LMO3: variants seen among roughly 807,000 people sequenced by gnomAD.
LMO3 encodes LIM domain only 3, also known as LIM domain only protein 3.
LMO3 carries 2 observed loss-of-function variants against 15.8 expected under a neutral mutation model. That is an observed-to-expected ratio of 0.13 (90% CI 0.05 to 0.40). The LOEUF (loss-of-function observed/expected upper bound fraction) is 0.40. Ranked by LOEUF, LMO3 falls within the 10% of genes least tolerant of loss-of-function variation. The pLI, the probability that LMO3 is intolerant of heterozygous loss-of-function variation, is 0.99. For missense variants in LMO3, 86 were observed against 182.2 expected (o/e 0.47, Z 3.04); for synonymous variants, 62 against 63.8 (o/e 0.97, Z 0.13).
In LMO3 at chr12:16,560,260, T is replaced by TAG. The variant is rs1481778471; in HGVS notation, c.332+151_332+152dup. On this transcript the variant is annotated intron_variant, in intron 3 of 3. Coordinates refer to ENST00000537304, the MANE Select transcript of LMO3 (RefSeq NM_018640.5). The surrounding 1 kb of genome is among the most constrained non-coding windows in gnomAD (Gnocchi z 5.0). Reference sequence around the variant, plus strand: ...GTCTTAAGACCTTTCTTCTCCTTAGTAGCTTGTCTCTGGCATGGGATTAAA... The same window carrying TAG: ...GTCTTAAGACCTTTCTTCTCCTTAGTAGAGCTTGTCTCTGGCATGGGATTAAA... 6.6e-6 allele frequency among the ~76,000 whole-genome samples: 1 copy of TAG among 152,204 alleles called. No homozygotes were observed.
Position 16,599,357 on chromosome 12 carries a change from GAGA to G in LMO3, c.206+1295_206+1297del, listed in dbSNP as rs1310166487. 7.9e-5 allele frequency: 12 copies of G among 152,132 alleles called. No individual in the cohort carries two copies. Among genetic ancestry groups the G allele is most frequent in the Admixed American group, 7.2e-4 (11 of 15,258 alleles). 9.4% of individuals were successfully genotyped at this position (152,132 alleles called of 1,614,324 possible). On this transcript the variant is annotated intron_variant, in intron 2 of 3. Transcript: ENST00000537304. The surrounding 1 kb of genome is among the most constrained non-coding windows in gnomAD (Gnocchi z 4.1). ...TGTCAGATGAGGCCGTCCTAAGAGC[GAGA>G]AGGAGTAGAATCTGATAAACAGTAC...
rs1260341850 is a variant in LMO3 at position 16,587,687 on chromosome 12, A to C, written c.206+12968T>G. On this transcript the variant is annotated intron_variant, in intron 2 of 3. Coordinates refer to ENST00000537304, the MANE Select transcript of LMO3 (RefSeq NM_018640.5). This position sits in a 1 kb window ranked among gnomAD's most constrained non-coding sequence, Gnocchi z 4.3. ...GGAGTGCATTTTAACAGCACGACAC[A>C]AGTATTTTTCACTACAGGAGACAAA... is the stretch of plus-strand genomic sequence containing the variant. 2.0e-5 allele frequency among the ~76,000 whole-genome samples: 3 copies of C among 152,080 alleles called. No individual in the cohort carries two copies. The highest frequency in any genetic ancestry group is 4.4e-5 in the Non-Finnish European group (3 of 67,992).
At position 16,576,477 on chromosome 12, in the gene LMO3, A is replaced by G. The variant is rs1400959040; in HGVS notation, c.207-15939T>C. Among the ~76,000 whole-genome samples the G allele has an allele frequency of 2.0e-5, 3 of 152,198 alleles. No individual in the cohort carries two copies. Among genetic ancestry groups the G allele is most frequent in the Non-Finnish European group, 4.4e-5 (3 of 68,044 alleles). Reference sequence around the variant, plus strand: ...ATTCAGATCAAATGTCAATGGATCTATGAAGCCTCTCTGATTTCCTTGAGG... The same window carrying G: ...ATTCAGATCAAATGTCAATGGATCTGTGAAGCCTCTCTGATTTCCTTGAGG... On this transcript the variant is annotated intron_variant, in intron 2 of 3. Coordinates refer to ENST00000537304, the MANE Select transcript of LMO3 (RefSeq NM_018640.5). This position sits in a 1 kb window ranked among gnomAD's most constrained non-coding sequence, Gnocchi z 4.1.
chr12:16,602,991 CG>C (rs1358460687), intron 1 of LMO3, among the ~76,000 whole-genome samples: 5 of 123,526 alleles, frequency 4.0e-5, no homozygotes, highest in African/African-American at 1.3e-4. Flanking sequence ...GATGAAAAAT[CG>C]AAAAAAAAAA....
chr12:16,608,238 G>T (rs1591843255), upstream of LMO3: 1 of 152,134 alleles, frequency 6.6e-6, no homozygotes. The surrounding 1 kb of genome is among the most constrained non-coding windows in gnomAD (Gnocchi z 4.1). Context: ...GAGGGAGGGA[G>T]AAGTATGTGT....
At position 16,559,798 on chromosome 12, in the gene LMO3, G is replaced by GA. The variant is rs60838238; in HGVS notation, c.332+614dup. On this transcript the variant is annotated intron_variant, in intron 3 of 3. Coordinates refer to ENST00000537304, the MANE Select transcript of LMO3 (RefSeq NM_018640.5). This position sits in a 1 kb window ranked among gnomAD's most constrained non-coding sequence, Gnocchi z 4.1. ...AAACTCCATCATCTCTATAAAAAAT[G>GA]AAAAAAAAAAAAAATTAGCCAGGCA... 2.5e-3 allele frequency among the ~76,000 whole-genome samples: 349 copies of GA among 138,286 alleles called. No individual in the cohort carries two copies. The highest frequency in any genetic ancestry group is 0.011 in the Middle Eastern group (3 of 272). The allele number at this position is 138,286 out of a possible 152,430, so 90.7% of individuals were successfully genotyped here. A position where few individuals can be genotyped will look rare whatever the true frequency, so the allele number is the denominator to read the frequency against.
Position 16,560,689 on chromosome 12 carries a change from A to C in LMO3, c.207-151T>G. On this transcript the variant is annotated intron_variant, in intron 2 of 3. Transcript: ENST00000537304. The surrounding 1 kb of genome is among the most constrained non-coding windows in gnomAD (Gnocchi z 5.0). The stretch of plus-strand genomic sequence containing the variant: ...GATTTTATCCTAGGTGTATGCATAA[A>C]TATTCTTCTGCAATATATTCTCCGT... 1.0e-5 allele frequency: 7 copies of C among 678,892 alleles called. No individual in the cohort carries two copies. The highest frequency in any genetic ancestry group is 1.8e-5 in the Non-Finnish European group (7 of 395,320). The allele number at this position is 678,892 out of a possible 1,614,324, so 42.1% of individuals were successfully genotyped here.
intron 3 of LMO3, among the ~76,000 whole-genome samples, chr12:16,551,610 C>A (rs1591762671): frequency 4.1e-5 from 6 of 147,182 alleles, no homozygotes; most frequent in South Asian, 2.1e-4. Flanking sequence ...TTTTTTTAAA[C>A]CACACTGGAA....
At position 16,604,353 on chromosome 12, in the gene LMO3, T is replaced by C. The variant is rs1943920501; in HGVS notation, c.-9+1713A>G. On this transcript the variant is annotated intron_variant, in intron 1 of 3. Transcript: ENST00000537304. The surrounding 1 kb of genome is among the most constrained non-coding windows in gnomAD (Gnocchi z 5.3). ...AACTCCCAGCCCCCTTCCCTATCCT[T>C]CACCCCCCTCCCCTTTTTGAGCAAT... Among the ~76,000 whole-genome samples the C allele has an allele frequency of 2.0e-5, 3 of 151,700 alleles. No individual in the cohort carries two copies. The South Asian group carries it at 6.3e-4, about 32-fold the overall frequency.
chr12:16,569,976 C>T (rs1055965514), intron 2 of LMO3, among the ~76,000 whole-genome samples: 2 of 152,096 alleles, frequency 1.3e-5, no homozygotes, highest in African/African-American at 4.8e-5. Flanking sequence ...CAATCAGCCA[C>T]AATTATACGA....
At position 16,604,491 on chromosome 12, in the gene LMO3, G is replaced by T. The variant is rs749389634; in HGVS notation, c.-9+1575C>A. ...ATTACAGTTACCATGGCAGCAAAGT[G>T]CTAGTGCTTGGCAAAGGCCAACAAG... is the stretch of plus-strand genomic sequence containing the variant. On this transcript the variant is annotated intron_variant, in intron 1 of 3. Transcript: ENST00000537304. The surrounding 1 kb of genome is among the most constrained non-coding windows in gnomAD (Gnocchi z 5.3). 2.7e-5 allele frequency: 6 copies of T among 224,226 alleles called. No homozygotes were observed. The highest frequency in any genetic ancestry group is 4.6e-5 in the African/African-American group (2 of 43,866). The allele number at this position is 224,226 out of a possible 1,614,324, so 13.9% of individuals were successfully genotyped here. A position where few individuals can be genotyped will look rare whatever the true frequency, so the allele number is the denominator to read the frequency against.
In LMO3 at chr12:16,548,513, G is replaced by C. The variant is rs940080728; in HGVS notation, c.*2709C>G. 1.3e-5 allele frequency: 2 copies of C among 152,086 alleles called. No homozygotes were observed. Among genetic ancestry groups the C allele is most frequent in the Non-Finnish European group, 2.9e-5 (2 of 68,002 alleles). 9.4% of individuals were successfully genotyped at this position (152,086 alleles called of 1,614,324 possible). A position where few individuals can be genotyped will look rare whatever the true frequency, so the allele number is the denominator to read the frequency against. ...TTAAACTCAGCACTCTGTTGGAGTG[G>C]AGGTGCACGGTCCTTCATCATAGGC... On this transcript the variant is annotated 3_prime_UTR_variant, in exon 4 of 4. Transcript: ENST00000537304. The surrounding 1 kb of genome is among the most constrained non-coding windows in gnomAD (Gnocchi z 4.2).
chr12:16,577,115 A>T (rs993834990), intron 2 of LMO3, among the ~76,000 whole-genome samples: 3 of 152,182 alleles, frequency 2.0e-5, no homozygotes, highest in African/African-American at 7.2e-5. Flanking sequence ...AAAACTTGTG[A>T]CTGGTAACAT....
rs901376222 is a variant in LMO3, at chr12:16,550,556, T to G, written c.*666A>C. The G allele has an allele frequency of 6.6e-6, 1 of 152,410 alleles. No individual in the cohort carries two copies. Among genetic ancestry groups the G allele is most frequent in the South Asian group, 2.1e-4 (1 of 4,816 alleles). 9.4% of individuals were successfully genotyped at this position (152,410 alleles called of 1,614,324 possible). A position where few individuals can be genotyped will look rare whatever the true frequency, so the allele number is the denominator to read the frequency against. ...AGTGCTTTAAGATGAAATTTTTATG[T>G]ATTTTTTTAAAGCTGATTTTTAACC... is the stretch of plus-strand genomic sequence containing the variant. On this transcript the variant is annotated 3_prime_UTR_variant, in exon 4 of 4. Transcript: ENST00000537304.
rs947626624 is a variant in LMO3, at chr12:16,576,176, G to A, written c.207-15638C>T. 2.6e-5 allele frequency among the ~76,000 whole-genome samples: 4 copies of A among 152,066 alleles called. No homozygotes were observed. The highest frequency in any genetic ancestry group is 1.9e-4 in the East Asian group (1 of 5,186). On this transcript the variant is annotated intron_variant, in intron 2 of 3. Transcript: ENST00000537304. This position sits in a 1 kb window ranked among gnomAD's most constrained non-coding sequence, Gnocchi z 4.1. The stretch of plus-strand genomic sequence containing the variant: ...GCTGTCCGCCTTCCACTCTGCAGCC[G>A]GTAGCCTTTCTATAACACAGCTCCA...
chr12:16,600,494 T>C, intron 2 of LMO3, 161 bp downstream of exon 2: 1 of 622,738 alleles, frequency 1.6e-6, no homozygotes, highest in Non-Finnish European at 2.8e-6. Context: ...AAGCATTAAT[T>C]TGAGTAACAC....
At chr12:16,590,727 A>G (rs1943467013) in intron 2 of LMO3, among the ~76,000 whole-genome samples, 1 of 152,032 alleles carries the variant, frequency 6.6e-6, no homozygotes, top group Admixed American at 6.6e-5. Flanking sequence ...CTTGAATTTC[A>G]CATTGAAATA....
chr12:16,561,349 G>C (rs1942398175), intron 2 of LMO3, among the ~76,000 whole-genome samples: 1 of 151,984 alleles, frequency 6.6e-6, no homozygotes, highest in Non-Finnish European at 1.5e-5. Context: ...GATAATGGAG[G>C]GGAAGAATTA....
Position 16,600,703 on chromosome 12 carries a change from G to A in LMO3, c.158C>T (p.Thr53Ile), listed in dbSNP as rs1266590326. The A allele has an allele frequency of 1.2e-6, 2 of 1,614,112 alleles. No homozygotes were observed. The change falls in exon 2 of 4, where the codon ACC becomes ATC. Residue 53 changes from threonine to isoleucine, a missense_variant. Transcript: ENST00000537304. ...CDCRLGEVGS[T>I]LYTKANLILC... is the part of the protein sequence containing the mutation. ...GATAAGATTAGCTTTAGTGTACAGG[G>A]TGGAGCCCACCTCTCCCAAGCGACA...
Sources: gnomAD v4.1 joint callset for allele counts (sites outside exome capture counted in the v4.1 genomes callset) on GRCh38, gnomAD v4.1.1 for gene constraint, Gnocchi (gnomAD v3.1) non-coding constraint, MANE v1.5 for transcripts, NCBI Gene and HGNC (gene_info 2026-07-23, HGNC 2026-07-21) for gene names.